CIDEA: variants seen among roughly 807,000 people sequenced by gnomAD.
CIDEA encodes the protein lipid transferase CIDEA.
A neutral mutation model predicts 18.2 loss-of-function variants in CIDEA; 10 were observed. The ratio of observed to expected loss-of-function variants is 0.55; its 90% CI spans 0.34 to 0.93. The LOEUF is 0.93. Ranked by LOEUF, CIDEA falls within the 40% of genes least tolerant of loss-of-function variation. The probability of loss-of-function intolerance (pLI) is 0.02; values close to 1 mark genes in which losing one functional copy is unlikely to be tolerated. For synonymous variants in CIDEA, 128 were observed against 124.8 expected, an observed-to-expected ratio of 1.03 and a Z score of -0.17; for missense variants, 309 against 293.1, an observed-to-expected ratio of 1.05 and a Z score of -0.40.
intron 3 of CIDEA, among the ~76,000 whole-genome samples, chr18:12,265,027 T>C (rs1211124348): frequency 6.6e-5 from 10 of 152,144 alleles, no homozygotes; most frequent in African/African-American, 2.4e-4. Flanking sequence ...TAGCTACAGA[T>C]CCTGTAAATG....
intron 3 of CIDEA, among the ~76,000 whole-genome samples, chr18:12,273,506 G>T (rs1403874699): frequency 2.0e-5 from 3 of 152,102 alleles, no homozygotes; most frequent in Non-Finnish European, 2.9e-5. Flanking sequence ...ACCCAGGGGG[G>T]TCTCCTCCCA....
intron 1 of CIDEA, chr18:12,254,938 G>A (rs746769314): frequency 4.9e-6 from 6 of 1,228,024 alleles, no homozygotes; most frequent in South Asian, 1.5e-5. Flanking sequence ...GGCCCCAACC[G>A]TCCGGCGGAG....
chr18:12,275,309 C>G (rs1905294532), intron 4 of CIDEA, among the ~76,000 whole-genome samples: 1 of 152,132 alleles, frequency 6.6e-6, no homozygotes, highest in African/African-American at 2.4e-5. Context: ...CACCACTGCA[C>G]TCCAGACTGG....
rs144560503 is a variant in CIDEA at position 12,266,747 on chromosome 18, T to C, written c.330+2294T>C. On this transcript the variant is annotated intron_variant, in intron 3 of 4. Transcript: ENST00000320477. Reference sequence around the variant, plus strand: ...AGGGAAGGATTTTTTTAAAACAAGATACAATGCACAAGTCATTTTTTTTTT... The same window carrying C: ...AGGGAAGGATTTTTTTAAAACAAGACACAATGCACAAGTCATTTTTTTTTT... 4.0e-3 allele frequency among the ~76,000 whole-genome samples: 604 copies of C among 149,802 alleles called. 2 individuals carry two copies. Among genetic ancestry groups the C allele is most frequent in the Non-Finnish European group, 6.1e-3 (415 of 67,736 alleles).
At chr18:12,263,487 G>T (rs748337211) in intron 2 of CIDEA, 3 of 152,734 alleles carry the variant, frequency 2.0e-5, no homozygotes, top group African/African-American at 7.2e-5. Context: ...TAAAGGTTAG[G>T]TATAAATGAT....
chr18:12,267,455 A>G (rs2144074970), intron 3 of CIDEA, among the ~76,000 whole-genome samples: 1 of 152,366 alleles, frequency 6.6e-6, no homozygotes, highest in African/African-American at 2.4e-5. Flanking sequence ...TGCTGAGCAA[A>G]AGATCACAGG....
intron 3 of CIDEA, among the ~76,000 whole-genome samples, chr18:12,265,818 C>A (rs1443467059): frequency 6.6e-6 from 1 of 152,154 alleles, no homozygotes; most frequent in Non-Finnish European, 1.5e-5. Flanking sequence ...CGTAAGGACT[C>A]AGGCACCACA....
chr18:12,260,880 GT>G (rs1912171590), intron 1 of CIDEA, among the ~76,000 whole-genome samples: 1 of 152,128 alleles, frequency 6.6e-6, no homozygotes, highest in Non-Finnish European at 1.5e-5. Flanking sequence ...ACAAGCATTT[GT>G]CCAAATAGCC....
At chr18:12,268,046 T>A (rs1436098666) in intron 3 of CIDEA, among the ~76,000 whole-genome samples, 2 of 152,066 alleles carry the variant, frequency 1.3e-5, no homozygotes, top group Non-Finnish European at 2.9e-5. Context: ...ATATTCCCAA[T>A]AGTCAAAATT....
At chr18:12,273,170 C>T (rs1046755664) in intron 3 of CIDEA, among the ~76,000 whole-genome samples, 4 of 152,244 alleles carry the variant, frequency 2.6e-5, no homozygotes, top group South Asian at 2.1e-4. Flanking sequence ...CTGGCCACGG[C>T]GAGGAGGGTT....
At chr18:12,264,529 G>T in intron 3 of CIDEA, 76 bp downstream of exon 3, 1 of 1,098,694 alleles carries the variant, frequency 9.1e-7, no homozygotes, top group Non-Finnish European at 1.3e-6. Flanking sequence ...CTACTTGGGT[G>T]TTGACTTGTC....
Position 12,264,473 on chromosome 18 carries a change from C to T in CIDEA, c.330+20C>T, listed in dbSNP as rs760819340. The T allele has an allele frequency of 1.9e-6, 3 of 1,606,578 alleles. No individual in the cohort carries two copies. The Admixed American group carries it at 5.0e-5, about 27-fold the overall frequency. ...ATGCCGGTAAGCAAAAACACTGTCA[C>T]CCAAACAGCTACTGGGTAGACTTTT... On this transcript the variant is annotated intron_variant, in intron 3 of 4. Coordinates refer to ENST00000320477, the MANE Select transcript of CIDEA (RefSeq NM_001279.4).
rs543517868 is a variant in CIDEA, at chr18:12,271,127, G to T, written c.331-2966G>T. ...TTGGCCAGGCTGGTCTCAAACTCCT[G>T]ACCTCAGGCGATCCACCCACCTCGG... On this transcript the variant is annotated intron_variant, in intron 3 of 4. Transcript: ENST00000320477. Among the ~76,000 whole-genome samples, 29 of 152,118 alleles carry T rather than the reference G, an allele frequency of 1.9e-4. 1 individual carries two copies. The South Asian group carries it at 6.0e-3, about 32-fold the overall frequency.
chr18:12,275,759 G>A (rs1905308944), intron 4 of CIDEA, among the ~76,000 whole-genome samples: 1 of 152,132 alleles, frequency 6.6e-6, no homozygotes, highest in African/African-American at 2.4e-5. Flanking sequence ...TTCCCATTCA[G>A]AGCCATCAGT....
At chr18:12,263,439 C>T (rs1211740161) in intron 2 of CIDEA, among the ~76,000 whole-genome samples, 1 of 152,162 alleles carries the variant, frequency 6.6e-6, no homozygotes, top group African/African-American at 2.4e-5. Context: ...GCAAGTTAAA[C>T]TCATCAGACC....
chr18:12,264,812 C>T (rs1354776987), intron 3 of CIDEA, among the ~76,000 whole-genome samples: 5 of 152,192 alleles, frequency 3.3e-5, no homozygotes, highest in African/African-American at 1.2e-4. Context: ...CTCTGCCTCC[C>T]AAAGTGCTGG....
rs998035564 is a variant in CIDEA, at chr18:12,262,858, A to C, written c.72A>C (p.Arg24=). ...PLTFMGSQTK[R]VLFTPLMHPA... is the part of the protein sequence containing the mutation. ...CATTTATGGGATCACAGACTAAGCG[A>C]GTCCTGTTCACCCCGCTCATGCATC... Residue 24 remains arginine, a synonymous_variant, in exon 2 of 5, where the codon CGA becomes CGC. Transcript: ENST00000320477. 1.2e-6 allele frequency: 2 copies of C among 1,614,082 alleles called. No homozygotes were observed. The highest frequency in any genetic ancestry group is 2.7e-5 in the African/African-American group (2 of 74,940).
intron 3 of CIDEA, among the ~76,000 whole-genome samples, chr18:12,271,154 C>A (rs916232651): frequency 6.6e-5 from 10 of 152,138 alleles, no homozygotes; most frequent in African/African-American, 2.4e-4. Flanking sequence ...CCACCTCGGC[C>A]TCCCACCGTG....
At chr18:12,273,257 G>A (rs1912601125) in intron 3 of CIDEA, among the ~76,000 whole-genome samples, 1 of 152,196 alleles carries the variant, frequency 6.6e-6, no homozygotes, top group Non-Finnish European at 1.5e-5. Flanking sequence ...ACCATTCACA[G>A]CTTCAGCGGC....
Sources: allele counts gnomAD v4.1 joint callset (sites outside exome capture counted in the v4.1 genomes callset), GRCh38; gene constraint gnomAD v4.1.1; transcripts MANE v1.5; gene names NCBI Gene and HGNC (gene_info 2026-07-23, HGNC 2026-07-21).